The following NKAP variants were observed in gnomAD, a reference collection of about 807,000 sequenced individuals.
NKAP encodes NF-kappa-B-activating protein.
Under a neutral mutation model 35.6 loss-of-function variants are expected in NKAP, and 4 were observed. The observed-to-expected ratio is 0.11, with a 90% CI of 0.06 to 0.26. The LOEUF is 0.26. Ranked by LOEUF, NKAP falls within the 10% of genes least tolerant of loss-of-function variation. NKAP has a pLI of 1.00. For missense variants in NKAP, 238 were observed against 321.9 expected (o/e 0.74, Z 1.99); for synonymous variants, 106 against 119.2 (o/e 0.89, Z 0.72).
At chrX:119,940,018 A>C (rs749484393) in intron 1 of NKAP, among the ~76,000 whole-genome samples, 31 of 109,162 alleles carry the variant, frequency 2.8e-4, no homozygotes, top group African/African-American at 1.0e-3. Context: ...CACTGCACCT[A>C]GTCAAAAAGT....
At chrX:119,938,083 T>C (rs2147849223) in intron 2 of NKAP, 1 of 112,213 alleles carries the variant, frequency 8.9e-6, no homozygotes, top group South Asian at 3.7e-4. Context: ...ATATTCGTTT[T>C]AAAAAATCTC....
At chrX:119,940,278 G>T (rs777000109) in intron 1 of NKAP, among the ~76,000 whole-genome samples, 9 of 106,493 alleles carry the variant, frequency 8.5e-5, no homozygotes, top group African/African-American at 2.8e-4. Context: ...GGTGGAGGTT[G>T]CAGTGAGCCA....
At chrX:119,933,898 G>C (rs182105610) in intron 5 of NKAP, among the ~76,000 whole-genome samples, 1 of 110,000 alleles carries the variant, frequency 9.1e-6, no homozygotes, top group Non-Finnish European at 1.9e-5. Context: ...CCGAGATCGC[G>C]CCACTGCACT....
intron 8 of NKAP, 100 bp downstream of exon 8, chrX:119,929,916 C>A: frequency 1.2e-6 from 1 of 857,605 alleles, no homozygotes; most frequent in East Asian, 3.3e-5. Context: ...TCATAAGAAA[C>A]AGTCACTTAA....
chrX:119,928,260 A>T (rs949652969), intron 8 of NKAP, among the ~76,000 whole-genome samples: 1 of 112,180 alleles, frequency 8.9e-6, no homozygotes, highest in Admixed American at 9.5e-5. Context: ...TTTTATTGGA[A>T]CTGTATTGAA....
chrX:119,926,392 G>A (rs1009845078), intron 8 of NKAP, among the ~76,000 whole-genome samples: 2 of 109,893 alleles, frequency 1.8e-5, no homozygotes, highest in African/African-American at 3.3e-5. Context: ...TCAGCCTCCC[G>A]AGTAGCCGGG....
intron 7 of NKAP, 39 bp downstream of exon 7, chrX:119,931,897 G>T: frequency 9.6e-7 from 1 of 1,046,773 alleles, no homozygotes; most frequent in Non-Finnish European, 1.3e-6. Flanking sequence ...CAGACTTTTT[G>T]GTAGGTACTT....
At position 119,921,291 on chromosome X, in the gene NKAP, C is replaced by T. The variant is rs1457723799; in HGVS notation, c.*3929G>A. On this transcript the variant is annotated 3_prime_UTR_variant, in exon 9 of 9. Coordinates refer to ENST00000371410, the MANE Select transcript of NKAP (RefSeq NM_024528.4). ...TACCTTCCCTGTGAACCTCTCTTGCCTGGCTGCAAAATTTTAAGACACCAA... is the reference window on the plus strand; with the variant it reads ...TACCTTCCCTGTGAACCTCTCTTGCTTGGCTGCAAAATTTTAAGACACCAA... The T allele has an allele frequency of 1.8e-5, 2 of 110,300 alleles. No homozygotes were observed. Among genetic ancestry groups the T allele is most frequent in the African/African-American group, 6.6e-5 (2 of 30,438 alleles). 9.1% of individuals were successfully genotyped at this position (110,300 alleles called of 1,213,427 possible).
At chrX:119,931,198 A>AAAAC (rs1165594739) in intron 7 of NKAP, among the ~76,000 whole-genome samples, 1 of 109,429 alleles carries the variant, frequency 9.1e-6, no homozygotes, top group East Asian at 2.9e-4. Context: ...AAAACAAAAC[A>AAAAC]AAACAAACAA....
At chrX:119,927,892 G>T (rs2056722705) in intron 8 of NKAP, among the ~76,000 whole-genome samples, 1 of 111,906 alleles carries the variant, frequency 8.9e-6, no homozygotes, top group African/African-American at 3.2e-5. Context: ...AATTTGGGAA[G>T]AAATGACAAC....
At chrX:119,934,429 TC>T (rs2056756223) in intron 5 of NKAP, 64 bp downstream of exon 5, 1 of 245,637 alleles carries the variant, frequency 4.1e-6, no homozygotes, top group Non-Finnish European at 5.2e-6. Context: ...AGACTCTGTC[TC>T]AAAAAAAAAA....
At chrX:119,941,234 A>T (rs1295375906) in intron 1 of NKAP, among the ~76,000 whole-genome samples, 1 of 112,238 alleles carries the variant, frequency 8.9e-6, no homozygotes, top group Non-Finnish European at 1.9e-5. Flanking sequence ...GGATTCTCCA[A>T]GAAGAAACTA....
chrX:119,926,779 G>T (rs1603379526), intron 8 of NKAP, among the ~76,000 whole-genome samples: 1 of 108,760 alleles, frequency 9.2e-6, no homozygotes, highest in Non-Finnish European at 1.9e-5. Flanking sequence ...ACCAAGTCTA[G>T]GCTGGGCATG....
In NKAP at chrX:119,936,420, T is replaced by C. The variant is rs373288484; in HGVS notation, c.550A>G (p.Lys184Glu). The C allele has an allele frequency of 2.7e-5, 31 of 1,143,398 alleles. No homozygotes were observed. Among genetic ancestry groups the C allele is most frequent in the African/African-American group, 3.7e-5 (2 of 53,859 alleles). 94.2% of individuals were successfully genotyped at this position (1,143,398 alleles called of 1,213,427 possible). Residue 184 changes from lysine to glutamate, a missense_variant, in exon 4 of 9, where the codon AAG (lysine) becomes GAG (glutamate). Physicochemically the swap from Lys to Glu is moderately conservative, Grantham distance 56. Coordinates refer to ENST00000371410, the MANE Select transcript of NKAP (RefSeq NM_024528.4). ...CTTTCTTTTGAACGGCTAGACTTCT[T>C]CTTTTTTTCTTCTAAGAAAGTACAA... ...SASTSEEEKK[K>E]KSSRSKERSK...
At chrX:119,934,430 C>CAAAAAA (rs369386190) in intron 5 of NKAP, 64 bp downstream of exon 5, 2,893 of 186,167 alleles carry the variant, frequency 0.016, 82 homozygotes, top group South Asian at 0.024. Flanking sequence ...GACTCTGTCT[C>CAAAAAA]AAAAAAAAAA....
chrX:119,931,889 G>T, intron 7 of NKAP, 47 bp downstream of exon 7: 1 of 1,023,965 alleles, frequency 9.8e-7, no homozygotes, highest in South Asian at 2.1e-5. Context: ...GTTAGAACCA[G>T]ACTTTTTGGT....
At chrX:119,936,776 G>T in intron 2 of NKAP, 94 bp from the exon 3 acceptor site, 1 of 630,512 alleles carries the variant, frequency 1.6e-6, no homozygotes, top group Non-Finnish European at 2.5e-6. Context: ...TTCAGTAACA[G>T]CATCGATTGT....
intron 5 of NKAP, 58 bp downstream of exon 5, chrX:119,934,430 CAAAAAA>C (rs369386190): frequency 2.7e-4 from 51 of 190,356 alleles, no homozygotes; most frequent in East Asian, 9.6e-4. Flanking sequence ...GACTCTGTCT[CAAAAAA>C]AAAAAAAAAA....
At position 119,920,824 on chromosome X, in the gene NKAP, C is replaced by A. The variant is rs2056685139; in HGVS notation, c.*4396G>T. 2 of 269,223 alleles carry A rather than the reference C, an allele frequency of 7.4e-6. No homozygotes were observed. The highest frequency in any genetic ancestry group is 1.3e-5 in the Non-Finnish European group (2 of 151,009). 22.2% of individuals were successfully genotyped at this position (269,223 alleles called of 1,213,427 possible). ...TATTTTCTAAAGTATTTTTTTCTATCACTATATGTATCACTTCTGAGTCTT... is the reference window on the plus strand; with the variant it reads ...TATTTTCTAAAGTATTTTTTTCTATAACTATATGTATCACTTCTGAGTCTT... On this transcript the variant is annotated 3_prime_UTR_variant, in exon 9 of 9. Coordinates refer to ENST00000371410, the MANE Select transcript of NKAP (RefSeq NM_024528.4).
Sources: gnomAD v4.1 joint callset for allele counts (sites outside exome capture counted in the v4.1 genomes callset) on GRCh38, gnomAD v4.1.1 for gene constraint, MANE v1.5 for transcripts, NCBI Gene and HGNC (gene_info 2026-07-23, HGNC 2026-07-21) for gene names.